Variants in ENAH observed in about 807,000 individuals in gnomAD.
The protein encoded by ENAH is ENAH actin regulator, also known as protein enabled homolog.
In ENAH, 23 loss-of-function variants were observed where a neutral mutation model predicts 78.7. That is an observed-to-expected ratio of 0.29 (90% CI 0.21 to 0.41). The LOEUF (loss-of-function observed/expected upper bound fraction) is 0.41. Among genes scored for constraint, ENAH ranks in the 10% least tolerant of loss-of-function variants. The probability of loss-of-function intolerance (pLI) is 1.00; values close to 1 mark genes in which losing one functional copy is unlikely to be tolerated. For missense variants in ENAH, 544 were observed against 691.0 expected, an observed-to-expected ratio of 0.79 and a Z score of 2.39; for synonymous variants, 226 against 241.0, an observed-to-expected ratio of 0.94 and a Z score of 0.58.
At chr1:225,613,743 G>GA (rs775025126) in intron 1 of ENAH, among the ~76,000 whole-genome samples, 2 of 152,038 alleles carry the variant, frequency 1.3e-5, no homozygotes, top group Admixed American at 1.3e-4. Context: ...TAAAGATGGG[G>GA]AAAAAAACAG....
rs566031103 is a variant in ENAH, at chr1:225,489,085, C to T, written c.*8690G>A. ...GCAGGTTCAGATGATATGAAAACCACTGAATTCTGCCCAGGAATTGAAAGA... is the reference window on the plus strand; with the variant it reads ...GCAGGTTCAGATGATATGAAAACCATTGAATTCTGCCCAGGAATTGAAAGA... On this transcript the variant is annotated 3_prime_UTR_variant, in exon 14 of 14. Coordinates refer to ENST00000366843, the MANE Select transcript of ENAH (RefSeq NM_018212.6). 6.6e-6 allele frequency: 1 copy of T among 152,332 alleles called. No individual in the cohort carries two copies. The highest frequency in any genetic ancestry group is 1.5e-5 in the Non-Finnish European group (1 of 68,036). 9.4% of individuals were successfully genotyped at this position (152,332 alleles called of 1,614,324 possible). A position where few individuals can be genotyped will look rare whatever the true frequency, so the allele number is the denominator to read the frequency against.
At chr1:225,617,495 A>G (rs1360307864) in intron 1 of ENAH, among the ~76,000 whole-genome samples, 1 of 152,240 alleles carries the variant, frequency 6.6e-6, no homozygotes, top group Non-Finnish European at 1.5e-5. Flanking sequence ...AATTAAAAGC[A>G]CCCATTGCAG....
intron 3 of ENAH, among the ~76,000 whole-genome samples, chr1:225,548,192 A>AT (rs2096624259): frequency 6.8e-6 from 1 of 147,668 alleles, no homozygotes; most frequent in South Asian, 2.1e-4. Context: ...AAGTTAATCC[A>AT]TATAGAATTT....
chr1:225,573,897 T>G (rs2096775349), intron 1 of ENAH, among the ~76,000 whole-genome samples: 1 of 152,198 alleles, frequency 6.6e-6, no homozygotes, highest in African/African-American at 2.4e-5. Flanking sequence ...CATCCCTTCT[T>G]GAATCCCCTA....
intron 1 of ENAH, among the ~76,000 whole-genome samples, chr1:225,636,326 C>A (rs2840967): frequency 6.6e-6 from 1 of 152,002 alleles, no homozygotes; most frequent in Non-Finnish European, 1.5e-5. Context: ...GAACTGCTGA[C>A]TGGGTGACAA....
intron 1 of ENAH, among the ~76,000 whole-genome samples, chr1:225,630,600 ATATTT>A (rs1347241009): frequency 1.3e-5 from 2 of 152,190 alleles, no homozygotes; most frequent in Non-Finnish European, 1.5e-5. Context: ...TGTGTTATAT[ATATTT>A]TATCACAATT....
intron 1 of ENAH, among the ~76,000 whole-genome samples, chr1:225,604,520 A>G (rs754620895): frequency 2.0e-5 from 3 of 151,952 alleles, no homozygotes; most frequent in Non-Finnish European, 4.4e-5. Context: ...GCAGTGGCTC[A>G]CGCCTGTAAT....
intron 1 of ENAH, among the ~76,000 whole-genome samples, chr1:225,626,047 C>A (rs1050759027): frequency 6.6e-6 from 1 of 152,172 alleles, no homozygotes. Flanking sequence ...AGGAAACATC[C>A]TTTGACTCTC....
intron 1 of ENAH, among the ~76,000 whole-genome samples, chr1:225,578,624 T>C (rs1387247403): frequency 3.3e-5 from 5 of 152,196 alleles, no homozygotes; most frequent in Non-Finnish European, 7.3e-5. Flanking sequence ...ATTCAAGCAA[T>C]GCTCTTTCTT....
intron 1 of ENAH, among the ~76,000 whole-genome samples, chr1:225,642,710 G>A (rs1661304491): frequency 6.6e-6 from 1 of 152,168 alleles, no homozygotes; most frequent in African/African-American, 2.4e-5. Flanking sequence ...TACGATATAT[G>A]TATATGCACT....
chr1:225,634,387 C>T (rs1277513242), intron 1 of ENAH, among the ~76,000 whole-genome samples: 10 of 152,160 alleles, frequency 6.6e-5, no homozygotes, highest in Admixed American at 6.6e-4. Flanking sequence ...TTTTAGCCCT[C>T]ATAAACATCT....
chr1:225,538,721 G>A (rs767438445), intron 3 of ENAH, among the ~76,000 whole-genome samples: 15 of 152,028 alleles, frequency 9.9e-5, no homozygotes, highest in Non-Finnish European at 1.9e-4. Flanking sequence ...ATAACTTGCT[G>A]AAAAATTATT....
intron 1 of ENAH, among the ~76,000 whole-genome samples, chr1:225,620,041 A>G (rs951870444): frequency 1.3e-5 from 2 of 152,136 alleles, no homozygotes; most frequent in Non-Finnish European, 2.9e-5. Flanking sequence ...CGATGCATTA[A>G]ATGGCCTTGT....
chr1:225,564,940 C>T (rs1301921864), intron 2 of ENAH, among the ~76,000 whole-genome samples: 2 of 151,786 alleles, frequency 1.3e-5, no homozygotes, highest in African/African-American at 4.8e-5. Flanking sequence ...TGTAATATCA[C>T]TCAGGTCTCA....
At chr1:225,646,702 T>C (rs1662022134) in intron 1 of ENAH, among the ~76,000 whole-genome samples, 1 of 151,824 alleles carries the variant, frequency 6.6e-6, no homozygotes, top group African/African-American at 2.4e-5. Flanking sequence ...GGCAGGAGAA[T>C]GGTGTGAACC....
chr1:225,581,942 C>T (rs936544743), intron 1 of ENAH, among the ~76,000 whole-genome samples: 10 of 151,600 alleles, frequency 6.6e-5, no homozygotes, highest in Non-Finnish European at 1.3e-4. Flanking sequence ...TCAAGCAATC[C>T]TCATCTCTGG....
Position 225,495,729 on chromosome 1 carries a change from TAAAG to T in ENAH, c.*2042_*2045del, listed in dbSNP as rs1274239146. The T allele has an allele frequency of 6.6e-6, 1 of 152,442 alleles. No homozygotes were observed. The highest frequency in any genetic ancestry group is 1.5e-5 in the Non-Finnish European group (1 of 67,996). The allele number at this position is 152,442 out of a possible 1,614,324, so 9.4% of individuals were successfully genotyped here. A position where few individuals can be genotyped will look rare whatever the true frequency, so the allele number is the denominator to read the frequency against. On this transcript the variant is annotated 3_prime_UTR_variant, in exon 14 of 14. Transcript: ENST00000366843. ...GTTTGCATAACCAAAAGTACAATAA[TAAAG>T]ATGAAAATGCCTCCTATTTCTTTTA...
chr1:225,558,254 T>C lies in ENAH; in HGVS notation c.172-3171A>G, dbSNP rs2096678032. Among the ~76,000 whole-genome samples the C allele has an allele frequency of 2.6e-5, 4 of 152,314 alleles. No homozygotes were observed. In the Middle Eastern group the frequency reaches 0.01, roughly 389 times the overall value. ...TGGCACTGTAGAGTTGACAAAAAGA[T>C]AGGCATCCTCTTTTTGTATTCTCTG... On this transcript the variant is annotated intron_variant, in intron 2 of 13. Transcript: ENST00000366843.
chr1:225,501,171 C>T (rs1381143717), intron 11 of ENAH, 101 bp from the exon 12 acceptor site: 7 of 814,308 alleles, frequency 8.6e-6, no homozygotes, highest in South Asian at 2.3e-5. Context: ...GATTTAAATA[C>T]ATTTCTTTAA....
Sources: gnomAD v4.1 joint callset for allele counts (sites outside exome capture counted in the v4.1 genomes callset) on GRCh38, gnomAD v4.1.1 for gene constraint, MANE v1.5 for transcripts, NCBI Gene and HGNC (gene_info 2026-07-23, HGNC 2026-07-21) for gene names.